Variants in ARHGAP15 observed in about 807,000 individuals in gnomAD.
ARHGAP15 encodes Rho GTPase activating protein 15, also known as rho GTPase-activating protein 15.
A neutral mutation model predicts 63.7 loss-of-function variants in ARHGAP15; 51 were observed. The observed-to-expected ratio is 0.80, with a 90% CI of 0.64 to 1.01. The LOEUF (loss-of-function observed/expected upper bound fraction) is 1.01. Among genes scored for constraint, ARHGAP15 ranks in the 50% least tolerant of loss-of-function variants. The pLI is 0.00. For missense variants in ARHGAP15, 560 were observed against 564.6 expected, an observed-to-expected ratio of 0.99 and a Z score of 0.08; for synonymous variants, 191 against 193.8, an observed-to-expected ratio of 0.99 and a Z score of 0.12.
chr2:143,510,049 A>G (rs1057344338), intron 9 of ARHGAP15, among the ~76,000 whole-genome samples: 1 of 124,648 alleles, frequency 8.0e-6, no homozygotes, highest in African/African-American at 3.0e-5. Flanking sequence ...AAAAAAAAAT[A>G]GAAACACCAT....
At chr2:143,685,002 T>C (rs1305719965) in intron 12 of ARHGAP15, among the ~76,000 whole-genome samples, 1 of 152,216 alleles carries the variant, frequency 6.6e-6, no homozygotes, top group Admixed American at 6.5e-5. Flanking sequence ...ATCCAACTGC[T>C]GCTCATTTGT....
chr2:143,608,847 T>G (rs1698148107), intron 11 of ARHGAP15: 1 of 152,214 alleles, frequency 6.6e-6, no homozygotes, highest in Non-Finnish European at 1.5e-5. Context: ...ATCTGTATCT[T>G]ATATTATGAT....
Position 143,435,592 on chromosome 2 carries a change from T to TA in ARHGAP15, c.475-9_475-8insA, listed in dbSNP as rs1274676598. 3 of 1,529,484 alleles carry TA rather than the reference T, an allele frequency of 2.0e-6. No homozygotes were observed. The African/African-American group carries it at 4.3e-5, about 22-fold the overall frequency. 94.7% of individuals were successfully genotyped at this position (1,529,484 alleles called of 1,614,324 possible). ...TGTCTATTTCTTTTTCTTTTTTTTT[T>TA]TTTTGCAGATCACAACAGTATCAGG... is the stretch of plus-strand genomic sequence containing the variant. On this transcript the variant is annotated splice_polypyrimidine_tract_variant and intron_variant, in intron 6 of 13. Transcript: ENST00000295095.
intron 1 of ARHGAP15, among the ~76,000 whole-genome samples, chr2:143,139,516 G>T (rs925821334): frequency 2.6e-5 from 4 of 151,936 alleles, no homozygotes; most frequent in Non-Finnish European, 4.4e-5. Context: ...GGTGATAGTT[G>T]GGTTTGAGTT....
At chr2:143,426,621 G>C (rs1258810466) in intron 6 of ARHGAP15, among the ~76,000 whole-genome samples, 1 of 152,122 alleles carries the variant, frequency 6.6e-6, no homozygotes. Flanking sequence ...CACAAGGTGG[G>C]CAAGCATCTG....
At chr2:143,394,601 C>A (rs1687678254) in intron 6 of ARHGAP15, among the ~76,000 whole-genome samples, 1 of 152,114 alleles carries the variant, frequency 6.6e-6, no homozygotes, top group South Asian at 2.1e-4. Context: ...CTGTCTTCTA[C>A]CTGCGGAAAA....
chr2:143,281,443 G>A (rs903728370), intron 6 of ARHGAP15, among the ~76,000 whole-genome samples: 2 of 152,138 alleles, frequency 1.3e-5, no homozygotes, highest in Non-Finnish European at 2.9e-5. Context: ...ATGACTTATT[G>A]TTAGGATGTT....
intron 10 of ARHGAP15, among the ~76,000 whole-genome samples, chr2:143,524,148 ACTTCTGAGAAGGTC>A (rs1694167950): frequency 6.6e-6 from 1 of 152,178 alleles, no homozygotes. Flanking sequence ...CCTTTAGTCT[ACTTCTGAGAAGGTC>A]CTTAGCCTCA....
In ARHGAP15 at chr2:143,361,987, G is replaced by A. The variant is rs564254808; in HGVS notation, c.475-73614G>A. 3.9e-5 allele frequency among the ~76,000 whole-genome samples: 6 copies of A among 152,252 alleles called. No individual in the cohort carries two copies. The East Asian group carries it at 1.2e-3, about 29-fold the overall frequency. On this transcript the variant is annotated intron_variant, in intron 6 of 13. Coordinates refer to ENST00000295095, the MANE Select transcript of ARHGAP15 (RefSeq NM_018460.4). ...TTATCTCTCTAGTGTTATATCCTAT[G>A]CTGAATCGAAGTTCTATCCATCCTG...
At chr2:143,628,067 A>C (rs1232183092) in intron 12 of ARHGAP15, among the ~76,000 whole-genome samples, 1 of 152,014 alleles carries the variant, frequency 6.6e-6, no homozygotes, top group African/African-American at 2.4e-5. Context: ...CTTATAAGAA[A>C]GAACATGGGG....
At chr2:143,268,100 TAG>T (rs1471278418) in intron 6 of ARHGAP15, among the ~76,000 whole-genome samples, 4 of 152,050 alleles carry the variant, frequency 2.6e-5, no homozygotes, top group Non-Finnish European at 5.9e-5. Context: ...AAGTACCAAC[TAG>T]AGTCAGTGAA....
chr2:143,542,690 G>GATATATA (rs1392485870), intron 10 of ARHGAP15, among the ~76,000 whole-genome samples: 2 of 79,356 alleles, frequency 2.5e-5, no homozygotes, highest in East Asian at 4.2e-4. Flanking sequence ...ATGATATATA[G>GATATATA]TATCACATAT....
intron 4 of ARHGAP15, among the ~76,000 whole-genome samples, chr2:143,223,832 A>G (rs141028735): frequency 6.9e-4 from 105 of 152,242 alleles, no homozygotes; most frequent in African/African-American, 2.5e-3. Context: ...CCTGAATCCC[A>G]TCTCTATGGC....
chr2:143,335,341 C>G (rs980572256), intron 6 of ARHGAP15, among the ~76,000 whole-genome samples: 3 of 152,180 alleles, frequency 2.0e-5, no homozygotes, highest in Non-Finnish European at 4.4e-5. Flanking sequence ...GGAAAATCCT[C>G]TTAAATTATT....
At chr2:143,584,352 G>C (rs139341285) in intron 11 of ARHGAP15, among the ~76,000 whole-genome samples, 143 of 152,284 alleles carry the variant, frequency 9.4e-4, no homozygotes, top group Non-Finnish European at 1.8e-4. Context: ...TAGGCCATGT[G>C]CGGTGGCTCA....
chr2:143,561,225 C>T (rs1696006400), intron 11 of ARHGAP15, among the ~76,000 whole-genome samples: 1 of 152,134 alleles, frequency 6.6e-6, no homozygotes, highest in African/African-American at 2.4e-5. Flanking sequence ...AGGCTTATTG[C>T]CCAAACTACA....
chr2:143,419,974 CCA>C (rs1305584984), intron 6 of ARHGAP15, among the ~76,000 whole-genome samples: 1 of 152,030 alleles, frequency 6.6e-6, no homozygotes, highest in Non-Finnish European at 1.5e-5. Context: ...AATTAAAATT[CCA>C]GACCTTAGAC....
intron 7 of ARHGAP15, 43 bp downstream of exon 7, chr2:143,435,742 A>G: frequency 6.4e-7 from 1 of 1,568,096 alleles, no homozygotes; most frequent in Non-Finnish European, 8.7e-7. Context: ...ATTAAAATGT[A>G]GTCATTTAAA....
chr2:143,381,752 A>G (rs981644123), intron 6 of ARHGAP15, among the ~76,000 whole-genome samples: 1 of 152,114 alleles, frequency 6.6e-6, no homozygotes, highest in Non-Finnish European at 1.5e-5. Context: ...GTAACTCTCA[A>G]TGCAGCACCT....
Sources: allele counts gnomAD v4.1 joint callset (sites outside exome capture counted in the v4.1 genomes callset), GRCh38; gene constraint gnomAD v4.1.1; transcripts MANE v1.5; gene names NCBI Gene and HGNC (gene_info 2026-07-23, HGNC 2026-07-21).